Variants in EYA2 observed in about 807,000 individuals in gnomAD.
EYA2 encodes the protein EYA transcriptional coactivator and phosphatase 2.
In EYA2, 31 loss-of-function variants were observed where a neutral mutation model predicts 69.2. The observed-to-expected ratio is 0.45, with a 90% CI of 0.34 to 0.60. EYA2 has a LOEUF of 0.60. EYA2 is among the 20% of genes least tolerant of loss of function. The probability of loss-of-function intolerance (pLI) is 0.02; values close to 1 mark genes in which losing one functional copy is unlikely to be tolerated. For missense variants in EYA2, 622 were observed against 701.2 expected, an observed-to-expected ratio of 0.89 and a Z score of 1.28; for synonymous variants, 257 against 279.4, an observed-to-expected ratio of 0.92 and a Z score of 0.80.
intron 10 of EYA2, chr20:47,161,540 A>G: frequency 2.5e-6 from 1 of 401,028 alleles, no homozygotes; most frequent in Admixed American, 2.9e-5. Context: ...GCTTGGGGAT[A>G]GACGTCCACT....
chr20:47,092,375 A>C (rs944338158), intron 8 of EYA2, among the ~76,000 whole-genome samples: 1 of 152,124 alleles, frequency 6.6e-6, no homozygotes, highest in Middle Eastern at 3.2e-3. Context: ...CTTTCCCCAA[A>C]TAGAGGAGAT....
intron 1 of EYA2, among the ~76,000 whole-genome samples, chr20:46,988,064 A>G (rs1020084144): frequency 6.7e-6 from 1 of 148,478 alleles, no homozygotes; most frequent in Non-Finnish European, 1.5e-5. Flanking sequence ...ACAACTGTTT[A>G]CATAGTGTTT....
chr20:47,036,959 C>G (rs899892669), intron 5 of EYA2, among the ~76,000 whole-genome samples: 1 of 152,128 alleles, frequency 6.6e-6, no homozygotes, highest in African/African-American at 2.4e-5. Flanking sequence ...AAATAACTGA[C>G]CGAGACTGGG....
chr20:46,992,935 C>G (rs1265360135), intron 2 of EYA2, among the ~76,000 whole-genome samples: 1 of 152,150 alleles, frequency 6.6e-6, no homozygotes, highest in Non-Finnish European at 1.5e-5. Context: ...CCTCCTGGGC[C>G]ATTCCTTCTA....
At chr20:46,901,012 A>G (rs893237165) in intron 1 of EYA2, 4 of 152,210 alleles carry the variant, frequency 2.6e-5, no homozygotes, top group Non-Finnish European at 2.9e-5. Context: ...GGCCACCTCT[A>G]AATTCCTGCC....
intron 1 of EYA2, among the ~76,000 whole-genome samples, chr20:46,909,767 G>T (rs1045440451): frequency 1.3e-5 from 2 of 152,150 alleles, no homozygotes; most frequent in Admixed American, 1.3e-4. Context: ...GGAAGTGTGG[G>T]TGGACTGGTT....
intron 10 of EYA2, chr20:47,161,691 C>A: frequency 5.1e-6 from 1 of 197,824 alleles, no homozygotes; most frequent in South Asian, 8.0e-5. Flanking sequence ...CCCAGGGCCT[C>A]CAGCCCCCCA....
intron 1 of EYA2, among the ~76,000 whole-genome samples, chr20:46,939,929 G>A (rs2146261422): frequency 1.3e-5 from 2 of 152,308 alleles, no homozygotes; most frequent in South Asian, 4.1e-4. Context: ...AATAAGGGGA[G>A]AGTAAAATAA....
intron 5 of EYA2, among the ~76,000 whole-genome samples, chr20:47,021,834 C>G (rs924391994): frequency 6.6e-6 from 1 of 151,872 alleles, no homozygotes; most frequent in Non-Finnish European, 1.5e-5. Flanking sequence ...GATCTCAGCT[C>G]GAGACCTCCG....
intron 5 of EYA2, among the ~76,000 whole-genome samples, chr20:47,026,575 A>T (rs1328127965): frequency 6.6e-6 from 1 of 152,212 alleles, no homozygotes; most frequent in Non-Finnish European, 1.5e-5. Flanking sequence ...AATCACAAAG[A>T]AATGTTACTT....
chr20:47,047,263 T>C (rs895057407), intron 5 of EYA2, among the ~76,000 whole-genome samples: 3 of 152,100 alleles, frequency 2.0e-5, no homozygotes, highest in African/African-American at 7.2e-5. Context: ...GCGTGGATGA[T>C]CTGAGACTCC....
chr20:47,188,042 C>T lies in EYA2; in HGVS notation c.1537-11C>T. The stretch of plus-strand genomic sequence containing the variant: ...GGGCCATAACCTTGTGGCTGGTGTT[C>T]TGTGTTTCAGCACAACATGCCTTTC... On this transcript the variant is annotated splice_polypyrimidine_tract_variant and intron_variant, in intron 15 of 15. Transcript: ENST00000327619. The T allele has an allele frequency of 6.4e-7, 1 of 1,557,780 alleles. No individual in the cohort carries two copies. The highest frequency in any genetic ancestry group is 2.4e-5 in the East Asian group (1 of 41,494).
Position 47,164,910 on chromosome 20 carries a change from G to A in EYA2, c.979-4229G>A, listed in dbSNP as rs552226797. On this transcript the variant is annotated intron_variant, in intron 10 of 15. Transcript: ENST00000327619. ...GCTAAGTAGATATGTCTCCAGGCCAGTTTGCAGGCTCTTCCCTAACTGAAC... is the reference window on the plus strand; with the variant it reads ...GCTAAGTAGATATGTCTCCAGGCCAATTTGCAGGCTCTTCCCTAACTGAAC... 5.8e-4 allele frequency among the ~76,000 whole-genome samples: 88 copies of A among 152,270 alleles called. 1 individual carries two copies. In the Middle Eastern group the frequency reaches 0.027, roughly 47 times the overall value.
At chr20:47,096,744 T>C (rs1291775885) in intron 8 of EYA2, among the ~76,000 whole-genome samples, 2 of 152,272 alleles carry the variant, frequency 1.3e-5, no homozygotes, top group Non-Finnish European at 2.9e-5. Flanking sequence ...ACAGTGAATT[T>C]AAAATGGTGG....
At chr20:47,132,316 T>C (rs750924460) in intron 9 of EYA2, among the ~76,000 whole-genome samples, 1 of 152,188 alleles carries the variant, frequency 6.6e-6, no homozygotes, top group Non-Finnish European at 1.5e-5. Flanking sequence ...ACACAGCTAC[T>C]CTGTAGCTTG....
At position 47,000,972 on chromosome 20, in the gene EYA2, C is replaced by T. The variant is rs376496066; in HGVS notation, c.110-456C>T. Among the ~76,000 whole-genome samples the T allele has an allele frequency of 3.6e-4, 55 of 152,204 alleles. 1 individual carries two copies. The South Asian group carries it at 8.1e-3, about 22-fold the overall frequency. Reference sequence around the variant, plus strand: ...GCAAAGCCAGCCTGTGTCTGCCATTCTGGGGTTCTTGGGGATTGCTTTTGA... The same window carrying T: ...GCAAAGCCAGCCTGTGTCTGCCATTTTGGGGTTCTTGGGGATTGCTTTTGA... On this transcript the variant is annotated intron_variant, in intron 2 of 15. Transcript: ENST00000327619.
At chr20:47,172,107 TAAAA>T (rs200935631) in intron 11 of EYA2, among the ~76,000 whole-genome samples, 1 of 141,966 alleles carries the variant, frequency 7.0e-6, no homozygotes, top group Admixed American at 7.1e-5. Flanking sequence ...TCAAAATAAA[TAAAA>T]AAAAATAAAA....
chr20:47,049,553 C>CT (rs922847108), intron 5 of EYA2, among the ~76,000 whole-genome samples: 2 of 150,284 alleles, frequency 1.3e-5, no homozygotes, highest in African/African-American at 4.9e-5. Context: ...AGTCTGGGAC[C>CT]TCCCCCTTTC....
chr20:46,988,023 AAAT>A (rs1012374909), intron 1 of EYA2, among the ~76,000 whole-genome samples: 8 of 136,432 alleles, frequency 5.9e-5, no homozygotes, highest in African/African-American at 1.6e-4. Context: ...TACAGAATAA[AAAT>A]AATATATGTT....
Sources: gnomAD v4.1 joint callset for allele counts (sites outside exome capture counted in the v4.1 genomes callset) on GRCh38, gnomAD v4.1.1 for gene constraint, MANE v1.5 for transcripts, NCBI Gene and HGNC (gene_info 2026-07-23, HGNC 2026-07-21) for gene names.